Variants in NOS2 observed in about 807,000 individuals in gnomAD.
NOS2 encodes the protein nitric oxide synthase, inducible.
In NOS2, 96 loss-of-function variants were observed where a neutral mutation model predicts 136.0. The ratio of observed to expected loss-of-function variants is 0.71; its 90% CI spans 0.60 to 0.84. The LOEUF (loss-of-function observed/expected upper bound fraction) is 0.84. Among genes scored for constraint, NOS2 ranks in the 40% least tolerant of loss-of-function variants. The pLI is 0.00. For synonymous variants in NOS2, 539 were observed against 587.5 expected (o/e 0.92, Z 1.20); for missense variants, 1,237 against 1,496.9 (o/e 0.83, Z 2.87).
intron 26 of NOS2, among the ~76,000 whole-genome samples, chr17:27,758,038 C>A (rs145815905): frequency 1.3e-5 from 2 of 152,208 alleles, no homozygotes; most frequent in Non-Finnish European, 2.9e-5. Context: ...CACTCCCCAG[C>A]GTTCCCTGGG....
At chr17:27,763,730 T>C (rs1046340865) in intron 21 of NOS2, among the ~76,000 whole-genome samples, 2 of 151,846 alleles carry the variant, frequency 1.3e-5, no homozygotes, top group Non-Finnish European at 2.9e-5. Flanking sequence ...CTCCCCTTTC[T>C]AGCTAATGTT....
intron 2 of NOS2, among the ~76,000 whole-genome samples, chr17:27,796,345 G>T (rs575486489): frequency 3.9e-4 from 60 of 152,266 alleles, no homozygotes; most frequent in African/African-American, 1.4e-3. Context: ...AGCTACTCAG[G>T]AGGCTGAGGT....
intron 9 of NOS2, 132 bp from the exon 10 acceptor site, chr17:27,779,188 C>T (rs1357300894): frequency 9.7e-6 from 6 of 619,900 alleles, no homozygotes; most frequent in Middle Eastern, 5.0e-4. Flanking sequence ...TCATAACTCA[C>T]TGCAGCCTTT....
chr17:27,781,209 CCTAG>C (rs1567639905), intron 7 of NOS2, 32 bp from the exon 8 acceptor site: 1 of 1,581,040 alleles, frequency 6.3e-7, no homozygotes, highest in African/African-American at 1.3e-5. Flanking sequence ...CTGTTTACCA[CCTAG>C]CCCTGGTGGG....
chr17:27,772,474 C>T (rs1184136506), intron 13 of NOS2, 22 bp from the exon 14 acceptor site: 2 of 1,613,326 alleles, frequency 1.2e-6, no homozygotes, highest in Non-Finnish European at 8.5e-7. Context: ...GACAGACAGG[C>T]AGGCGCTGTG....
chr17:27,781,231 C>T, intron 7 of NOS2, 54 bp from the exon 8 acceptor site: 2 of 1,551,806 alleles, frequency 1.3e-6, no homozygotes, highest in African/African-American at 1.3e-5. Context: ...GGGGGCCCAG[C>T]CATCCTGCAC....
intron 11 of NOS2, among the ~76,000 whole-genome samples, chr17:27,775,526 C>T (rs555277986): frequency 9.9e-5 from 15 of 152,186 alleles, no homozygotes; most frequent in Non-Finnish European, 2.1e-4. Flanking sequence ...CGCTTGAACC[C>T]GGGAGGCGGA....
intron 22 of NOS2, 30 bp from the exon 23 acceptor site, chr17:27,761,261 C>T (rs556125181): frequency 1.4e-5 from 22 of 1,554,226 alleles, no homozygotes; most frequent in South Asian, 1.4e-4. Context: ...TGACCAACGT[C>T]CCCCCACTGC....
At chr17:27,770,745 T>A (rs1472482821) in intron 15 of NOS2, among the ~76,000 whole-genome samples, 168 bp downstream of exon 15, 2 of 152,192 alleles carry the variant, frequency 1.3e-5, no homozygotes, top group African/African-American at 4.8e-5. Context: ...GGCACTCCCA[T>A]ATGGCAATAA....
chr17:27,776,653 TGGAG>T (rs991092836), intron 11 of NOS2, among the ~76,000 whole-genome samples: 1 of 125,874 alleles, frequency 7.9e-6, no homozygotes, highest in African/African-American at 3.1e-5. Context: ...GCCTAGGCAA[TGGAG>T]GGAGAGTTCA....
At position 27,774,343 on chromosome 17, in the gene NOS2, G is replaced by A. The variant is rs1238944514; in HGVS notation, c.1390C>T (p.Leu464=). 6.3e-7 allele frequency: 1 copy of A among 1,586,254 alleles called. No individual in the cohort carries two copies. Among genetic ancestry groups the A allele is most frequent in the Non-Finnish European group, 8.6e-7 (1 of 1,166,372 alleles). ...ATGCTCCCAGACATGGGAGGGACCA[G>A]CCAAATCCAGTCTGCCGGGCAGCCC... ...RGGCPADWIW[L]VPPMSGSITP... The change falls in exon 12 of 27, where the codon CTG becomes TTG. Residue 464 remains leucine (L), a synonymous_variant. Coordinates refer to ENST00000313735, the MANE Select transcript of NOS2 (RefSeq NM_000625.4).
At chr17:27,778,583 C>G (rs1908735300) in intron 11 of NOS2, 107 bp downstream of exon 11, 2 of 875,420 alleles carry the variant, frequency 2.3e-6, no homozygotes, top group Non-Finnish European at 3.8e-6. Context: ...TGCTGGACCT[C>G]TAGAGTGAGC....
intron 2 of NOS2, among the ~76,000 whole-genome samples, chr17:27,790,457 A>G (rs900633966): frequency 2.6e-5 from 4 of 152,206 alleles, no homozygotes; most frequent in Admixed American, 2.0e-4. Context: ...TGGTTTATTT[A>G]CTTATTCTAC....
intron 9 of NOS2, 105 bp downstream of exon 9, chr17:27,780,655 TGCTGCTG>T: frequency 7.1e-7 from 1 of 1,401,150 alleles, no homozygotes; most frequent in Non-Finnish European, 1.0e-6. Context: ...GAGTGTCACC[TGCTGCTG>T]GCTGGGCTTT....
intron 2 of NOS2, among the ~76,000 whole-genome samples, chr17:27,791,517 C>T (rs1400189082): frequency 5.9e-5 from 9 of 152,112 alleles, no homozygotes; most frequent in Admixed American, 5.9e-4. Context: ...AGAATTCCCC[C>T]TATGCCTGAA....
At chr17:27,782,855 T>A in intron 6 of NOS2, 89 bp downstream of exon 6, 1 of 1,355,074 alleles carries the variant, frequency 7.4e-7, no homozygotes, top group East Asian at 2.3e-5. Context: ...CCAGGAGGCC[T>A]GGGCACAGCT....
At chr17:27,761,919 G>T (rs952195771) in intron 22 of NOS2, among the ~76,000 whole-genome samples, 11 of 152,138 alleles carry the variant, frequency 7.2e-5, no homozygotes, top group African/African-American at 2.7e-4. Context: ...TCCTCTCCTG[G>T]TCTGGGTGGC....
chr17:27,762,344 A>G (rs1908160342), intron 22 of NOS2, among the ~76,000 whole-genome samples: 1 of 152,200 alleles, frequency 6.6e-6, no homozygotes, highest in African/African-American at 2.4e-5. Context: ...TGAATAATCA[A>G]TGCAGAATCT....
At chr17:27,759,643 G>A (rs1336880869) in intron 25 of NOS2, among the ~76,000 whole-genome samples, 1 of 152,122 alleles carries the variant, frequency 6.6e-6, no homozygotes, top group Non-Finnish European at 1.5e-5. Flanking sequence ...GGGGTAACGC[G>A]GCCCTGGGGA....
Sources: gnomAD v4.1 joint callset for allele counts (sites outside exome capture counted in the v4.1 genomes callset) on GRCh38, gnomAD v4.1.1 for gene constraint, MANE v1.5 for transcripts, NCBI Gene and HGNC (gene_info 2026-07-23, HGNC 2026-07-21) for gene names.